The following TBC1D32 variants were observed in gnomAD, a reference collection of about 807,000 sequenced individuals.
The protein encoded by TBC1D32 is TBC1 domain family member 32.
In TBC1D32, 151 loss-of-function variants were observed where a neutral mutation model predicts 170.3. The observed-to-expected ratio is 0.89, with a 90% CI of 0.78 to 1.01. The LOEUF (loss-of-function observed/expected upper bound fraction) is 1.01, where lower values mean the gene tolerates loss of function less well. Among genes scored for constraint, TBC1D32 ranks in the 50% least tolerant of loss-of-function variants. The pLI, the probability that TBC1D32 is intolerant of heterozygous loss-of-function variation, is 0.00. For missense variants in TBC1D32, 1,464 were observed against 1,457.1 expected (o/e 1.00, Z -0.08); for synonymous variants, 498 against 488.0 (o/e 1.02, Z -0.27).
intron 24 of TBC1D32, among the ~76,000 whole-genome samples, chr6:121,147,247 G>C (rs1441054495): frequency 6.6e-6 from 1 of 152,108 alleles, no homozygotes; most frequent in Non-Finnish European, 1.5e-5. Flanking sequence ...TTGATTCCAT[G>C]TCTTTGCTAT....
intron 21 of TBC1D32, among the ~76,000 whole-genome samples, chr6:121,209,855 C>T (rs1348464953): frequency 6.6e-6 from 1 of 152,134 alleles, no homozygotes. Flanking sequence ...ACTTGCAGTC[C>T]TGTTTCCAGT....
At chr6:121,278,450 A>C (rs1802531834) in intron 15 of TBC1D32, among the ~76,000 whole-genome samples, 1 of 152,140 alleles carries the variant, frequency 6.6e-6, no homozygotes, top group South Asian at 2.1e-4. Flanking sequence ...TTTGAACATC[A>C]ATTAATGTAA....
intron 26 of TBC1D32, among the ~76,000 whole-genome samples, chr6:121,116,612 G>A (rs773044108): frequency 2.0e-5 from 3 of 152,126 alleles, no homozygotes; most frequent in Non-Finnish European, 2.9e-5. Context: ...GGTGGAGAAA[G>A]GTGTTAAGAA....
intron 1 of TBC1D32, among the ~76,000 whole-genome samples, chr6:121,329,661 T>A (rs1042855377): frequency 1.3e-5 from 2 of 148,864 alleles, no homozygotes; most frequent in African/African-American, 5.2e-5. Context: ...TCAAAAAAAA[T>A]AAATAAATAA....
intron 12 of TBC1D32, among the ~76,000 whole-genome samples, chr6:121,290,358 T>C (rs539617074): frequency 1.3e-5 from 2 of 152,206 alleles, no homozygotes; most frequent in Non-Finnish European, 2.9e-5. Flanking sequence ...CAGACACTTC[T>C]CAAAAGAAGA....
chr6:121,143,195 AT>A (rs150078998), intron 24 of TBC1D32, among the ~76,000 whole-genome samples: 2,659 of 152,174 alleles, frequency 0.017, 81 homozygotes, highest in African/African-American at 0.061. Flanking sequence ...TTCTAAGTGA[AT>A]TTTTTGTGTG....
chr6:121,154,051 A>AC (rs1328001674), intron 24 of TBC1D32, among the ~76,000 whole-genome samples: 2 of 151,280 alleles, frequency 1.3e-5, no homozygotes, highest in Admixed American at 1.3e-4. Context: ...AAAAAAAAAA[A>AC]AAAACCTCCT....
At chr6:121,097,646 G>C (rs1344810193) in intron 30 of TBC1D32, among the ~76,000 whole-genome samples, 3 of 152,012 alleles carry the variant, frequency 2.0e-5, no homozygotes, top group South Asian at 2.1e-4. Flanking sequence ...GATTCCTCAA[G>C]GATCTAGAAC....
intron 10 of TBC1D32, among the ~76,000 whole-genome samples, chr6:121,296,162 G>A (rs1805609256): frequency 6.6e-6 from 1 of 152,136 alleles, no homozygotes; most frequent in African/African-American, 2.4e-5. Context: ...CATGTCTTAT[G>A]TGATTCTAGT....
At chr6:121,149,115 T>C (rs1330845558) in intron 24 of TBC1D32, among the ~76,000 whole-genome samples, 1 of 152,228 alleles carries the variant, frequency 6.6e-6, no homozygotes, top group East Asian at 1.9e-4. Context: ...GGTTTTTTTC[T>C]TGTAAATTTG....
chr6:121,285,732 A>AC (rs1157075935), intron 12 of TBC1D32, among the ~76,000 whole-genome samples: 1 of 151,898 alleles, frequency 6.6e-6, no homozygotes, highest in Non-Finnish European at 1.5e-5. Flanking sequence ...ACTGGGAGGC[A>AC]CCCCCCAGTA....
intron 24 of TBC1D32, among the ~76,000 whole-genome samples, chr6:121,152,780 G>A (rs6899528): frequency 0.04 from 6,067 of 151,512 alleles, 231 homozygotes; most frequent in East Asian, 0.13. Flanking sequence ...ACTTTCTTCC[G>A]CTTGATTGAT....
chr6:121,187,746 C>A (rs1360417518), intron 22 of TBC1D32, among the ~76,000 whole-genome samples: 1 of 72,424 alleles, frequency 1.4e-5, no homozygotes, highest in Admixed American at 1.9e-4. Flanking sequence ...AAGGCTGATG[C>A]TCAGGGCCAA....
intron 22 of TBC1D32, among the ~76,000 whole-genome samples, chr6:121,204,203 A>C (rs562294293): frequency 6.6e-6 from 1 of 151,340 alleles, no homozygotes; most frequent in Non-Finnish European, 1.5e-5. Flanking sequence ...TTTGAGATAA[A>C]GGGCACGCCA....
At position 121,079,972 on chromosome 6, in the gene TBC1D32, G is replaced by A. The variant is rs56274855; in HGVS notation, c.*799C>T. ...AAAACAATTATGTCCAAGGACAACA[G>A]TTTTCCTACCACTTGCCATGGTAAA... On this transcript the variant is annotated 3_prime_UTR_variant, in exon 32 of 32. Coordinates refer to ENST00000398212, the MANE Select transcript of TBC1D32 (RefSeq NM_152730.6). 2,747 of 152,204 alleles carry A rather than the reference G, an allele frequency of 0.018. 43 individuals carry two copies. Among genetic ancestry groups the A allele is most frequent in the Non-Finnish European group, 0.029 (1,962 of 67,994 alleles). 9.4% of individuals were successfully genotyped at this position (152,204 alleles called of 1,614,324 possible). A position where few individuals can be genotyped will look rare whatever the true frequency, so the allele number is the denominator to read the frequency against.
intron 22 of TBC1D32, among the ~76,000 whole-genome samples, chr6:121,193,227 A>G (rs1790307273): frequency 6.6e-6 from 1 of 152,236 alleles, no homozygotes; most frequent in Non-Finnish European, 1.5e-5. Flanking sequence ...GAGTTAAAAA[A>G]GGTCTAACAG....
chr6:121,169,528 G>A (rs1473400316), intron 22 of TBC1D32, among the ~76,000 whole-genome samples: 1 of 152,110 alleles, frequency 6.6e-6, no homozygotes, highest in African/African-American at 2.4e-5. Flanking sequence ...TACTTTCCTT[G>A]ATAAATTTTA....
chr6:121,289,660 T>C (rs1440846853), intron 12 of TBC1D32, among the ~76,000 whole-genome samples: 1 of 152,086 alleles, frequency 6.6e-6, no homozygotes, highest in African/African-American at 2.4e-5. Flanking sequence ...TTAAAGTTCA[T>C]ATGGAACCAA....
chr6:121,233,464 C>A (rs991162603), intron 20 of TBC1D32, among the ~76,000 whole-genome samples: 1 of 152,006 alleles, frequency 6.6e-6, no homozygotes, highest in South Asian at 2.1e-4. Context: ...TATATAATAT[C>A]CTTCTTTGTC....
Sources: gnomAD v4.1 joint callset for allele counts (sites outside exome capture counted in the v4.1 genomes callset) on GRCh38, gnomAD v4.1.1 for gene constraint, MANE v1.5 for transcripts, NCBI Gene and HGNC (gene_info 2026-07-23, HGNC 2026-07-21) for gene names.